CADPS: variants seen among roughly 807,000 people sequenced by gnomAD.
CADPS encodes the protein calcium dependent secretion activator, also known as calcium-dependent secretion activator 1.
In CADPS, 57 loss-of-function variants were observed where a neutral mutation model predicts 167.3. The observed-to-expected ratio is 0.34, with a 90% CI of 0.28 to 0.42. The LOEUF is 0.42. Among genes scored for constraint, CADPS ranks in the 20% least tolerant of loss-of-function variants. The pLI is 1.00. For synonymous variants in CADPS, 676 were observed against 635.3 expected (o/e 1.06, Z -0.96); for missense variants, 1,414 against 1,738.1 (o/e 0.81, Z 3.32).
chr3:62,715,637 A>G (rs9822224), intron 3 of CADPS, among the ~76,000 whole-genome samples: 27,942 of 151,032 alleles, frequency 0.19, 3,585 homozygotes, highest in African/African-American at 0.37. Context: ...AATACCACAT[A>G]TGACATTTGG....
At chr3:62,637,443 A>G (rs1187683504) in intron 6 of CADPS, among the ~76,000 whole-genome samples, 1 of 152,150 alleles carries the variant, frequency 6.6e-6, no homozygotes, top group African/African-American at 2.4e-5. Context: ...TAAATGCCTC[A>G]AGGGCAGAGA....
intron 9 of CADPS, 120 bp downstream of exon 9, chr3:62,570,752 A>C (rs191333689): frequency 2.7e-6 from 2 of 738,258 alleles, no homozygotes; most frequent in Non-Finnish European, 4.7e-6. Flanking sequence ...TATATGTAAA[A>C]ATTCATTAAG....
chr3:62,445,836 TTA>T, intron 26 of CADPS, 39 bp from the exon 27 acceptor site: 1 of 1,434,676 alleles, frequency 7.0e-7, no homozygotes, highest in Non-Finnish European at 9.2e-7. Context: ...AGGCTGGTGT[TTA>T]TGTTTAATTG....
chr3:62,847,225 C>A (rs2077610423), intron 1 of CADPS, among the ~76,000 whole-genome samples: 1 of 150,938 alleles, frequency 6.6e-6, no homozygotes, highest in African/African-American at 2.4e-5. Flanking sequence ...ATGTTCTTAC[C>A]CGCCACCTCC....
At chr3:62,713,881 C>T (rs2083887913) in intron 3 of CADPS, among the ~76,000 whole-genome samples, 1 of 152,214 alleles carries the variant, frequency 6.6e-6, no homozygotes, top group Non-Finnish European at 1.5e-5. Context: ...TGAGATCATT[C>T]ATTCCTGCTA....
chr3:62,586,304 G>A (rs990836997), intron 7 of CADPS, among the ~76,000 whole-genome samples: 4 of 152,150 alleles, frequency 2.6e-5, no homozygotes, highest in African/African-American at 4.8e-5. Flanking sequence ...TGCAAGGATG[G>A]CAGGCCCCTT....
rs1366026031 is a variant in CADPS, at chr3:62,420,900, A to G, written c.3777+17204T>C. Among the ~76,000 whole-genome samples, 1,126 of 108,638 alleles carry G rather than the reference A, an allele frequency of 0.01. 11 individuals carry two copies. Among genetic ancestry groups the G allele is most frequent in the African/African-American group, 0.029 (645 of 21,956 alleles). 71.3% of individuals were successfully genotyped at this position (108,638 alleles called of 152,430 possible). A position where few individuals can be genotyped will look rare whatever the true frequency, so the allele number is the denominator to read the frequency against. On this transcript the variant is annotated intron_variant, in intron 28 of 29. Coordinates refer to ENST00000383710, the MANE Select transcript of CADPS (RefSeq NM_003716.4). This position sits in a 1 kb window ranked among gnomAD's most constrained non-coding sequence, Gnocchi z 4.1. ...CACACACACACACACACACACACAC[A>G]CAGGCACACACACACACACTTGCCA...
chr3:62,789,657 A>G (rs539819763), intron 1 of CADPS, among the ~76,000 whole-genome samples: 26 of 152,324 alleles, frequency 1.7e-4, no homozygotes, highest in Non-Finnish European at 3.1e-4. Context: ...GATATTCAAC[A>G]ACAGAAGTAA....
chr3:62,780,113 T>C (rs1381661471), intron 1 of CADPS, among the ~76,000 whole-genome samples: 2 of 152,140 alleles, frequency 1.3e-5, no homozygotes, highest in Non-Finnish European at 1.5e-5. Flanking sequence ...GCTCAGGCAA[T>C]GTTTCCACCT....
rs377407087 is a variant in CADPS, at chr3:62,657,131, A to G, written c.969+5183T>C. On this transcript the variant is annotated intron_variant, in intron 4 of 29. Transcript: ENST00000383710. The stretch of plus-strand genomic sequence containing the variant: ...TAGTATCTTTCTCTGGTAGGAGAGG[A>G]TTCCATTTGTATCTGGTTTATGGCA... 7.4e-4 allele frequency among the ~76,000 whole-genome samples: 113 copies of G among 152,286 alleles called. No homozygotes were observed. In the Middle Eastern group the frequency reaches 0.01, roughly 14 times the overall value.
At chr3:62,751,339 A>G (rs2082658261) in intron 3 of CADPS, among the ~76,000 whole-genome samples, 1 of 152,228 alleles carries the variant, frequency 6.6e-6, no homozygotes, top group African/African-American at 2.4e-5. Context: ...TTTTGCCCTA[A>G]TTTCTATTGA....
intron 2 of CADPS, among the ~76,000 whole-genome samples, chr3:62,764,895 A>G (rs2086459498): frequency 6.6e-6 from 1 of 152,232 alleles, no homozygotes; most frequent in Non-Finnish European, 1.5e-5. Flanking sequence ...TCTTATACCT[A>G]TCTTCAAGTT....
In CADPS at chr3:62,875,020, G is replaced by C. The variant is rs2083420051; in HGVS notation, c.10C>G (p.Pro4Ala). Reference protein sequence around the residue: MLDPSSSEEESDEI... With the variant: MLDASSSEEESDEI... ...TCCGATTCTTCTTCGCTGGACGAAGGGTCCAGCATAGTGGCGCCTGGGGAG... is the reference window on the plus strand; with the variant it reads ...TCCGATTCTTCTTCGCTGGACGAAGCGTCCAGCATAGTGGCGCCTGGGGAG... The change falls in exon 1 of 30, where the codon CCT becomes GCT. Residue 4 changes from proline (P) to alanine (A), a missense_variant. Physicochemically the swap from Pro to Ala is conservative, Grantham distance 27 (BLOSUM62 -1). This residue lies in a region of CADPS where 522 missense variants were observed against 559.5 expected (regional missense o/e 0.93). Transcript: ENST00000383710. The C allele has an allele frequency of 6.3e-7, 1 of 1,592,842 alleles. No individual in the cohort carries two copies. The highest frequency in any genetic ancestry group is 8.6e-7 in the Non-Finnish European group (1 of 1,169,586).
chr3:62,613,420 C>T (rs1330583493), intron 6 of CADPS, among the ~76,000 whole-genome samples: 1 of 152,132 alleles, frequency 6.6e-6, no homozygotes. Flanking sequence ...CCTCATAAGA[C>T]TCTTCTTCAT....
chr3:62,443,738 G>C (rs1221651453), intron 27 of CADPS, among the ~76,000 whole-genome samples: 2 of 152,124 alleles, frequency 1.3e-5, no homozygotes, highest in Non-Finnish European at 2.9e-5. Context: ...GGCCTCCCCA[G>C]GCATGCCGAA....
chr3:62,851,372 A>G (rs1344788142), intron 1 of CADPS, among the ~76,000 whole-genome samples: 2 of 131,344 alleles, frequency 1.5e-5, no homozygotes, highest in African/African-American at 2.9e-5. Context: ...CCTAGTCTCG[A>G]TGGTCGTTAC....
rs141214858 is a variant in CADPS at position 62,827,912 on chromosome 3, A to C, written c.441+46677T>G. On this transcript the variant is annotated intron_variant, in intron 1 of 29. Coordinates refer to ENST00000383710, the MANE Select transcript of CADPS (RefSeq NM_003716.4). ...AAAGCACTTTCACATATATCATTTG[A>C]TCTTCATCATGATCCTATAAACTCA... is the stretch of plus-strand genomic sequence containing the variant. Among the ~76,000 whole-genome samples the C allele has an allele frequency of 4.4e-4, 67 of 152,316 alleles. No individual in the cohort carries two copies. The East Asian group carries it at 0.01, about 24-fold the overall frequency.
rs996032753 is a variant in CADPS at position 62,481,876 on chromosome 3, A to G, written c.3027-7T>C. ...TAGGTTACTGGTTAAACTCCTGTGG[A>G]AGAAACAGACAGAAAGAAAAAATAC... On this transcript the variant is annotated splice_region_variant and splice_polypyrimidine_tract_variant and intron_variant, in intron 21 of 29. Coordinates refer to ENST00000383710, the MANE Select transcript of CADPS (RefSeq NM_003716.4). 3.1e-6 allele frequency: 5 copies of G among 1,604,214 alleles called. No individual in the cohort carries two copies. The Admixed American group carries it at 6.9e-5, about 22-fold the overall frequency.
intron 9 of CADPS, among the ~76,000 whole-genome samples, chr3:62,569,582 G>A (rs564786871): frequency 1.6e-4 from 24 of 152,334 alleles, no homozygotes; most frequent in South Asian, 1.4e-3. Context: ...TCTATAGACA[G>A]TCTAGTCTTA....
Sources: gnomAD v4.1 joint callset for allele counts (sites outside exome capture counted in the v4.1 genomes callset) on GRCh38, gnomAD v4.1.1 for gene constraint, gnomAD v4.1.1 regional missense constraint, Gnocchi (gnomAD v3.1) non-coding constraint, MANE v1.5 for transcripts, NCBI Gene and HGNC (gene_info 2026-07-23, HGNC 2026-07-21) for gene names.